ANKRD30B: variants seen among roughly 807,000 people sequenced by gnomAD.
ANKRD30B encodes ankyrin repeat domain-containing protein 30B.
A neutral mutation model predicts 202.2 loss-of-function variants in ANKRD30B; 144 were observed. That is an observed-to-expected ratio of 0.71 (90% CI 0.62 to 0.82). The LOEUF is 0.82. Ranked by LOEUF, ANKRD30B falls within the 40% of genes least tolerant of loss-of-function variation. ANKRD30B has a pLI of 0.00. For missense variants in ANKRD30B, 1,487 were observed against 1,669.1 expected (o/e 0.89, Z 1.90); for synonymous variants, 508 against 561.3 (o/e 0.91, Z 1.34).
chr18:14,928,008 C>A, the ANKRD30B span, among the ~76,000 whole-genome samples: 1 of 152,110 alleles, frequency 6.6e-6, no homozygotes, highest in South Asian at 2.1e-4. Flanking sequence ...ACTCTTGTTG[C>A]CCAGGCTGGA....
chr18:14,938,381 C>T, the ANKRD30B span, among the ~76,000 whole-genome samples: 50 of 152,320 alleles, frequency 3.3e-4, no homozygotes, highest in South Asian at 8.7e-3. Flanking sequence ...CCACGCTTGC[C>T]GCCCTCTGCT....
intron 20 of ANKRD30B, 41 bp from the exon 21 acceptor site, chr18:14,799,060 A>C (rs765017938): frequency 3.3e-6 from 5 of 1,523,646 alleles, no homozygotes; most frequent in Non-Finnish European, 2.7e-6. Context: ...GGCTTTGTCA[A>C]GCTTGCATAT....
At chr18:14,847,791 A>T (rs1215132987) in intron 39 of ANKRD30B, among the ~76,000 whole-genome samples, 2 of 151,962 alleles carry the variant, frequency 1.3e-5, no homozygotes, top group African/African-American at 2.4e-5. Context: ...AGGCAAATCT[A>T]TAAAAATAGA....
chr18:14,792,236 GC>G (rs1968564164), intron 16 of ANKRD30B, among the ~76,000 whole-genome samples: 1 of 152,144 alleles, frequency 6.6e-6, no homozygotes, highest in Non-Finnish European at 1.5e-5. Flanking sequence ...CTAGGACCTT[GC>G]TCTGAGTAGC....
the ANKRD30B span, among the ~76,000 whole-genome samples, chr18:14,938,743 A>ATGAC: frequency 2.6e-5 from 4 of 152,190 alleles, no homozygotes; most frequent in African/African-American, 9.6e-5. Context: ...CATATTGAAG[A>ATGAC]TGACTGTAAG....
chr18:14,929,133 C>T, the ANKRD30B span, among the ~76,000 whole-genome samples: 4 of 152,228 alleles, frequency 2.6e-5, no homozygotes, highest in South Asian at 2.1e-4. Context: ...TTCCACCCTG[C>T]GTGGCTCTCA....
chr18:14,842,794 C>T, intron 37 of ANKRD30B, 103 bp from the exon 38 acceptor site: 1 of 1,158,896 alleles, frequency 8.6e-7, no homozygotes, highest in Non-Finnish European at 1.2e-6. Flanking sequence ...AGGAATCATT[C>T]TCAAAGCTGA....
chr18:14,830,798 G>T (rs1368953962), intron 33 of ANKRD30B, among the ~76,000 whole-genome samples: 2 of 152,204 alleles, frequency 1.3e-5, no homozygotes, highest in African/African-American at 4.8e-5. Flanking sequence ...TATATTGGCG[G>T]TCACTATTTT....
At chr18:14,789,150 G>A (rs1968294428) in intron 15 of ANKRD30B, among the ~76,000 whole-genome samples, 1 of 152,158 alleles carries the variant, frequency 6.6e-6, no homozygotes, top group Non-Finnish European at 1.5e-5. Flanking sequence ...GCCAATGATG[G>A]TGAGCATTTT....
At chr18:14,863,478 C>T in the ANKRD30B span, among the ~76,000 whole-genome samples, 4 of 151,952 alleles carry the variant, frequency 2.6e-5, no homozygotes, top group East Asian at 7.7e-4. Flanking sequence ...TTTCTGAGGT[C>T]TCACCCAAAC....
At chr18:14,934,941 CACACA>C in the ANKRD30B span, among the ~76,000 whole-genome samples, 1 of 151,178 alleles carries the variant, frequency 6.6e-6, no homozygotes, top group African/African-American at 2.5e-5. Context: ...CACACACACA[CACACA>C]CACCCCATCG....
At chr18:14,865,153 C>T in the ANKRD30B span, among the ~76,000 whole-genome samples, 2 of 151,740 alleles carry the variant, frequency 1.3e-5, no homozygotes, top group Non-Finnish European at 2.9e-5. Context: ...TACCCACTGT[C>T]TTTTCTTTCT....
chr18:14,753,728 A>G (rs575370898), intron 3 of ANKRD30B, among the ~76,000 whole-genome samples: 38 of 152,296 alleles, frequency 2.5e-4, no homozygotes, highest in African/African-American at 9.1e-4. Flanking sequence ...ATCTTTTATT[A>G]GAATGCCTTT....
At chr18:14,799,043 T>C in intron 20 of ANKRD30B, 58 bp from the exon 21 acceptor site, 14 of 1,437,858 alleles carry the variant, frequency 9.7e-6, no homozygotes, top group Non-Finnish European at 1.4e-5. Flanking sequence ...TCTATGAACG[T>C]TTGGTAGGCT....
the ANKRD30B span, among the ~76,000 whole-genome samples, chr18:14,898,857 A>G: frequency 2.6e-5 from 4 of 152,206 alleles, no homozygotes; most frequent in Non-Finnish European, 4.4e-5. Context: ...AGGTGAAGAC[A>G]TTGATCATGC....
intron 28 of ANKRD30B, among the ~76,000 whole-genome samples, chr18:14,810,498 G>T (rs532496086): frequency 1.3e-5 from 2 of 151,234 alleles, no homozygotes; most frequent in East Asian, 3.9e-4. Flanking sequence ...TATTTTCAGT[G>T]GTTCAAATGC....
intron 30 of ANKRD30B, among the ~76,000 whole-genome samples, chr18:14,819,138 T>G (rs776747211): frequency 6.7e-6 from 1 of 150,128 alleles, no homozygotes; most frequent in African/African-American, 2.4e-5. Flanking sequence ...TTTCATGTGT[T>G]TTTTGGCTGC....
At chr18:14,833,301 G>A (rs1319835360) in intron 34 of ANKRD30B, among the ~76,000 whole-genome samples, 1 of 151,898 alleles carries the variant, frequency 6.6e-6, no homozygotes. Flanking sequence ...AGGTTGGAGT[G>A]CAGTGGCGCC....
the ANKRD30B span, among the ~76,000 whole-genome samples, chr18:14,939,969 C>G: frequency 1.3e-5 from 2 of 152,180 alleles, no homozygotes. Context: ...TGCCCTTATC[C>G]AAACATAAAT....
Sources: gnomAD v4.1 joint callset for allele counts (sites outside exome capture counted in the v4.1 genomes callset) on GRCh38, gnomAD v4.1.1 for gene constraint, MANE v1.5 for transcripts, NCBI Gene and HGNC (gene_info 2026-07-23, HGNC 2026-07-21) for gene names.